Variants in COG5 observed in about 807,000 individuals in gnomAD.
COG5 encodes component of oligomeric golgi complex 5, also known as conserved oligomeric Golgi complex subunit 5.
A neutral mutation model predicts 110.4 loss-of-function variants in COG5; 86 were observed. The ratio of observed to expected loss-of-function variants is 0.78; its 90% CI spans 0.65 to 0.93. The LOEUF (loss-of-function observed/expected upper bound fraction) is 0.93. COG5 is among the 40% of genes least tolerant of loss of function. The pLI is 0.00. For synonymous variants in COG5, 360 were observed against 334.6 expected (o/e 1.08, Z -0.83); for missense variants, 1,077 against 987.0 (o/e 1.09, Z -1.22).
At chr7:107,284,994 T>G (rs898511892) in intron 12 of COG5, among the ~76,000 whole-genome samples, 1 of 152,214 alleles carries the variant, frequency 6.6e-6, no homozygotes. Context: ...TCCACTGATA[T>G]GACCTAGAGA....
chr7:107,544,684 A>G (rs1802288759), intron 5 of COG5, among the ~76,000 whole-genome samples: 1 of 152,216 alleles, frequency 6.6e-6, no homozygotes, highest in Non-Finnish European at 1.5e-5. Flanking sequence ...GCCAGTCTGC[A>G]AAGAGTGGAG....
rs376193561 is a variant in COG5, at chr7:107,420,606, G to A, written c.539-7974C>T. Reference sequence around the variant, plus strand: ...CTCCTGAGTAGCTGGGACTACAGGCGTGTGCAACCACGCCTGGCTAATTTT... The same window carrying A: ...CTCCTGAGTAGCTGGGACTACAGGCATGTGCAACCACGCCTGGCTAATTTT... On this transcript the variant is annotated intron_variant, in intron 6 of 21. Transcript: ENST00000297135. 2.1e-4 allele frequency among the ~76,000 whole-genome samples: 32 copies of A among 152,232 alleles called. No individual in the cohort carries two copies. In the East Asian group the frequency reaches 4.6e-3, roughly 22 times the overall value.
chr7:107,247,894 A>G (rs1236571219), intron 17 of COG5, among the ~76,000 whole-genome samples: 2 of 152,136 alleles, frequency 1.3e-5, no homozygotes, highest in Admixed American at 1.3e-4. Context: ...TCAATCTTGG[A>G]GGAGGTTGGG....
intron 6 of COG5, among the ~76,000 whole-genome samples, chr7:107,511,993 G>C (rs1360510419): frequency 1.3e-5 from 2 of 152,164 alleles, no homozygotes; most frequent in Admixed American, 1.3e-4. Context: ...CACAAGACAG[G>C]GATGCCCTCT....
chr7:107,517,863 A>G (rs560766091), intron 6 of COG5, among the ~76,000 whole-genome samples: 1 of 152,006 alleles, frequency 6.6e-6, no homozygotes, highest in South Asian at 2.1e-4. Flanking sequence ...ACGCCTGGCT[A>G]ATTTTTCTAT....
intron 7 of COG5, among the ~76,000 whole-genome samples, chr7:107,408,103 T>C (rs1296186742): frequency 6.6e-6 from 1 of 152,058 alleles, no homozygotes; most frequent in Non-Finnish European, 1.5e-5. Context: ...ACAATCAGAG[T>C]AGAACAGGAG....
chr7:107,277,596 T>C (rs928252005), intron 14 of COG5, among the ~76,000 whole-genome samples: 3 of 152,258 alleles, frequency 2.0e-5, no homozygotes, highest in African/African-American at 7.2e-5. Flanking sequence ...TCAGCTTCAA[T>C]TTCTACATTT....
At chr7:107,233,582 C>A (rs758248250) in intron 18 of COG5, among the ~76,000 whole-genome samples, 57 of 152,238 alleles carry the variant, frequency 3.7e-4, no homozygotes, top group Non-Finnish European at 6.5e-4. Flanking sequence ...ACTAGTATTC[C>A]CAAACCTGGT....
chr7:107,516,202 T>C (rs1200966559), intron 6 of COG5, among the ~76,000 whole-genome samples: 1 of 152,198 alleles, frequency 6.6e-6, no homozygotes, highest in Non-Finnish European at 1.5e-5. Context: ...ATAGTATACT[T>C]TTCATTTTCA....
chr7:107,265,652 T>C (rs1167792936), intron 14 of COG5, among the ~76,000 whole-genome samples: 1 of 152,240 alleles, frequency 6.6e-6, no homozygotes, highest in Admixed American at 6.5e-5. Flanking sequence ...TATGATTAAA[T>C]ATCACTTAGT....
At chr7:107,273,265 T>G (rs2116734375) in intron 14 of COG5, among the ~76,000 whole-genome samples, 1 of 152,236 alleles carries the variant, frequency 6.6e-6, no homozygotes, top group African/African-American at 2.4e-5. Context: ...TAAATGCAGG[T>G]TTTCTTTCGA....
At chr7:107,439,561 G>C (rs1031241954) in intron 6 of COG5, among the ~76,000 whole-genome samples, 1 of 151,424 alleles carries the variant, frequency 6.6e-6, no homozygotes, top group African/African-American at 2.4e-5. Flanking sequence ...TATATAAATT[G>C]ATCTTATTTC....
At chr7:107,436,174 T>C (rs997843171) in intron 6 of COG5, among the ~76,000 whole-genome samples, 2 of 152,124 alleles carry the variant, frequency 1.3e-5, no homozygotes, top group Admixed American at 6.6e-5. Flanking sequence ...GACAGGTTGG[T>C]TATTCACAGT....
intron 6 of COG5, among the ~76,000 whole-genome samples, chr7:107,525,702 G>A (rs1800681230): frequency 6.6e-6 from 1 of 152,052 alleles, no homozygotes; most frequent in Non-Finnish European, 1.5e-5. Flanking sequence ...GCAGGCACAT[G>A]CTATGATGCT....
chr7:107,513,425 T>G (rs991459739), intron 6 of COG5, among the ~76,000 whole-genome samples: 1 of 152,142 alleles, frequency 6.6e-6, no homozygotes, highest in Non-Finnish European at 1.5e-5. Flanking sequence ...TGTGGAGAAA[T>G]AGCAACACTT....
chr7:107,439,154 CT>C (rs1463609973), intron 6 of COG5, among the ~76,000 whole-genome samples: 5 of 152,174 alleles, frequency 3.3e-5, no homozygotes. Flanking sequence ...CTATGCCCTC[CT>C]GCCTCATCAA....
chr7:107,294,948 CACATAT>C (rs1309819772), intron 12 of COG5, among the ~76,000 whole-genome samples: 35 of 122,976 alleles, frequency 2.8e-4, no homozygotes, highest in South Asian at 7.7e-4. Flanking sequence ...CACACACACA[CACATAT>C]ATATATACAC....
At chr7:107,372,135 C>T (rs958622491) in intron 8 of COG5, among the ~76,000 whole-genome samples, 1 of 152,038 alleles carries the variant, frequency 6.6e-6, no homozygotes, top group Non-Finnish European at 1.5e-5. Context: ...TGTAATGTTG[C>T]CAAGGATTTT....
chr7:107,458,152 C>T (rs925908729), intron 6 of COG5, among the ~76,000 whole-genome samples: 1 of 151,968 alleles, frequency 6.6e-6, no homozygotes, highest in African/African-American at 2.4e-5. Context: ...GAGTGAAAGT[C>T]AAAAATGAAG....
Sources: allele counts gnomAD v4.1 joint callset (sites outside exome capture counted in the v4.1 genomes callset), GRCh38; gene constraint gnomAD v4.1.1; transcripts MANE v1.5; gene names NCBI Gene and HGNC (gene_info 2026-07-23, HGNC 2026-07-21).